The following ADGRL3 variants were observed in gnomAD, a reference collection of about 807,000 sequenced individuals.
The protein encoded by ADGRL3 is adhesion G protein-coupled receptor L3.
Under a neutral mutation model 153.5 loss-of-function variants are expected in ADGRL3, and 62 were observed. That is an observed-to-expected ratio of 0.40 (90% CI 0.33 to 0.50). The LOEUF is 0.50. Among genes scored for constraint, ADGRL3 ranks in the 20% least tolerant of loss-of-function variants. The probability of loss-of-function intolerance (pLI) is 0.47; values close to 1 mark genes in which losing one functional copy is unlikely to be tolerated. For synonymous variants in ADGRL3, 710 were observed against 672.5 expected (o/e 1.06, Z -0.86); for missense variants, 1,641 against 1,859.4 (o/e 0.88, Z 2.16).
chr4:61,605,055 A>C (rs1432068522), intron 5 of ADGRL3, among the ~76,000 whole-genome samples: 1 of 132,774 alleles, frequency 7.5e-6, no homozygotes, highest in Non-Finnish European at 1.5e-5. Context: ...ATGCCATTGC[A>C]CTTCAGCCTA....
rs528747927 is a variant in ADGRL3 at position 62,035,851 on chromosome 4, A to G, written c.3592-1880A>G. Among the ~76,000 whole-genome samples the G allele has an allele frequency of 7.2e-5, 11 of 152,218 alleles. No homozygotes were observed. In the South Asian group the frequency reaches 2.3e-3, roughly 32 times the overall value. On this transcript the variant is annotated intron_variant, in intron 23 of 26. Coordinates refer to ENST00000683033, the MANE Select transcript of ADGRL3 (RefSeq NM_001387552.1). ...GTCTTGTAGTTTACTCTCATTGCTT[A>G]ACCCATTTCAATCTCCTTATCTATA...
intron 5 of ADGRL3, among the ~76,000 whole-genome samples, chr4:61,636,454 A>G (rs1318940432): frequency 6.6e-6 from 1 of 152,184 alleles, no homozygotes; most frequent in Non-Finnish European, 1.5e-5. Flanking sequence ...ATGGAATAAC[A>G]TATTTGAAGT....
chr4:61,449,134 T>A (rs984505221), intron 2 of ADGRL3, among the ~76,000 whole-genome samples: 3 of 151,992 alleles, frequency 2.0e-5, no homozygotes, highest in Non-Finnish European at 2.9e-5. Context: ...TTATTTAATT[T>A]AATTAATTAA....
At chr4:61,894,787 C>T (rs918817010) in intron 10 of ADGRL3, among the ~76,000 whole-genome samples, 18 of 152,162 alleles carry the variant, frequency 1.2e-4, no homozygotes, top group African/African-American at 2.7e-4. Context: ...CTCACCATCA[C>T]GCCATTACTC....
intron 2 of ADGRL3, among the ~76,000 whole-genome samples, chr4:61,491,424 G>T (rs904230236): frequency 6.6e-6 from 1 of 152,074 alleles, no homozygotes; most frequent in South Asian, 2.1e-4. Context: ...GCTATCTTTG[G>T]TTACTATGGA....
intron 2 of ADGRL3, among the ~76,000 whole-genome samples, chr4:61,440,067 G>A (rs536790052): frequency 2.0e-4 from 30 of 149,888 alleles, no homozygotes; most frequent in African/African-American, 6.9e-4. Context: ...TTTATTTTTT[G>A]AGACAGAGTC....
chr4:61,601,291 G>A (rs533410308), intron 5 of ADGRL3, among the ~76,000 whole-genome samples: 65 of 151,966 alleles, frequency 4.3e-4, no homozygotes, highest in African/African-American at 1.3e-3. Context: ...TTATCTTTTC[G>A]TTTTATAGAA....
chr4:62,042,393 AG>A (rs963647834), intron 24 of ADGRL3, among the ~76,000 whole-genome samples: 2 of 151,690 alleles, frequency 1.3e-5, no homozygotes, highest in African/African-American at 2.4e-5. Context: ...AGTTCTAAGT[AG>A]GGTGTTATAC....
intron 1 of ADGRL3, among the ~76,000 whole-genome samples, chr4:61,261,186 CTTCTT>C (rs1165444830): frequency 0.04 from 3,574 of 89,082 alleles, 135 homozygotes; most frequent in African/African-American, 0.12. Flanking sequence ...TTTTCATCTT[CTTCTT>C]TTTTTTTTTT....
intron 9 of ADGRL3, among the ~76,000 whole-genome samples, chr4:61,838,870 T>C (rs921817927): frequency 1.1e-4 from 17 of 152,186 alleles, no homozygotes; most frequent in Admixed American, 6.5e-5. Flanking sequence ...TTAACTTACA[T>C]TCTTTTCTTT....
chr4:61,729,443 T>C (rs750098291), intron 6 of ADGRL3, among the ~76,000 whole-genome samples: 7 of 151,956 alleles, frequency 4.6e-5, no homozygotes, highest in Non-Finnish European at 7.4e-5. Flanking sequence ...CACTCAAGCT[T>C]AGATCAAGTA....
intron 5 of ADGRL3, among the ~76,000 whole-genome samples, chr4:61,600,688 C>T (rs1326229200): frequency 2.0e-5 from 3 of 152,082 alleles, no homozygotes; most frequent in South Asian, 4.1e-4. Flanking sequence ...TTTACATGGT[C>T]CTCTATTATT....
chr4:61,949,957 T>C (rs1051484509), intron 17 of ADGRL3, among the ~76,000 whole-genome samples: 1 of 152,128 alleles, frequency 6.6e-6, no homozygotes, highest in South Asian at 2.1e-4. Context: ...CTGGTACATA[T>C]TTCATTGTGG....
chr4:61,975,977 G>T (rs539911288), intron 17 of ADGRL3, among the ~76,000 whole-genome samples: 1 of 152,246 alleles, frequency 6.6e-6, no homozygotes, highest in Non-Finnish European at 1.5e-5. Flanking sequence ...TCCAAGTGGA[G>T]ATTAAATGGG....
intron 8 of ADGRL3, among the ~76,000 whole-genome samples, chr4:61,746,334 A>C (rs1352816776): frequency 6.6e-6 from 1 of 151,512 alleles, no homozygotes; most frequent in Non-Finnish European, 1.5e-5. Flanking sequence ...CAGGAATTGA[A>C]GTCAGCTCTG....
At position 61,979,648 on chromosome 4, in the gene ADGRL3, T is replaced by G. The variant is rs1395742867; in HGVS notation, c.2891T>G (p.Ile964Ser). Residue 964 changes from isoleucine (I) to serine (S), a missense_variant, in exon 18 of 27, where the codon ATC (isoleucine) becomes AGC (serine). Ile to Ser is a moderately radical substitution (Grantham distance 142, BLOSUM62 -2). Transcript: ENST00000683033. ...TCCCTTGTTTGTCTCCTGATTTGCA[T>G]CTTCACATTTTGCTTTTTCCGGGGG... is the stretch of plus-strand genomic sequence containing the variant. ...LLSLVCLLIC[I>S]FTFCFFRGLQ... 11 of 1,613,836 alleles carry G rather than the reference T, an allele frequency of 6.8e-6. No individual in the cohort carries two copies. The highest frequency in any genetic ancestry group is 8.5e-6 in the Non-Finnish European group (10 of 1,179,892).
intron 1 of ADGRL3, among the ~76,000 whole-genome samples, chr4:61,210,367 C>T (rs906827434): frequency 2.6e-5 from 4 of 152,084 alleles, no homozygotes; most frequent in African/African-American, 7.2e-5. Flanking sequence ...TGTTACTATT[C>T]AGGACAGCCC....
chr4:62,040,720 A>G (rs545272575), intron 24 of ADGRL3, among the ~76,000 whole-genome samples: 2 of 152,232 alleles, frequency 1.3e-5, no homozygotes, highest in East Asian at 1.9e-4. Context: ...GTTGGGAGAC[A>G]GAAAACGTAT....
intron 1 of ADGRL3, among the ~76,000 whole-genome samples, chr4:61,324,852 CT>C (rs2095433598): frequency 2.0e-5 from 3 of 152,092 alleles, no homozygotes; most frequent in Admixed American, 2.0e-4. Flanking sequence ...GAATATAGTA[CT>C]TACATTGGCA....
Sources: gnomAD v4.1 joint callset for allele counts (sites outside exome capture counted in the v4.1 genomes callset) on GRCh38, gnomAD v4.1.1 for gene constraint, MANE v1.5 for transcripts, NCBI Gene and HGNC (gene_info 2026-07-23, HGNC 2026-07-21) for gene names.